SAMD4A: variants seen among roughly 807,000 people sequenced by gnomAD.
The protein encoded by SAMD4A is sterile alpha motif domain containing 4A.
Under a neutral mutation model 81.3 loss-of-function variants are expected in SAMD4A, and 33 were observed. That is an observed-to-expected ratio of 0.41 (90% CI 0.31 to 0.54). The LOEUF (loss-of-function observed/expected upper bound fraction) is 0.54, where lower values mean the gene tolerates loss of function less well. Ranked by LOEUF, SAMD4A falls within the 20% of genes least tolerant of loss-of-function variation. The pLI is 0.37. For synonymous variants in SAMD4A, 389 were observed against 382.1 expected, an observed-to-expected ratio of 1.02 and a Z score of -0.21; for missense variants, 854 against 951.1, an observed-to-expected ratio of 0.90 and a Z score of 1.34.
intron 2 of SAMD4A, among the ~76,000 whole-genome samples, chr14:54,691,299 C>T (rs559077175): frequency 6.6e-6 from 1 of 152,260 alleles, no homozygotes; most frequent in Admixed American, 6.5e-5. Flanking sequence ...GAGGTCTTGT[C>T]TCCTTCTGTA....
chr14:54,776,855 AGTGTGTGTGT>A (rs34095224), intron 11 of SAMD4A, among the ~76,000 whole-genome samples: 19 of 149,968 alleles, frequency 1.3e-4, no homozygotes, highest in South Asian at 8.5e-4. Flanking sequence ...CTCCATGTGT[AGTGTGTGTGT>A]GTGTGTGTGT....
chr14:54,606,183 C>CTGTGTGTGTGTGTGTGTG (rs57209362), intron 2 of SAMD4A, among the ~76,000 whole-genome samples: 45 of 146,672 alleles, frequency 3.1e-4, no homozygotes, highest in African/African-American at 1.2e-3. Context: ...TACTTCTGGG[C>CTGTGTGTGTGTGTGTGTG]TGTGTGTGTG....
chr14:54,746,352 AAGG>A (rs929855949), intron 4 of SAMD4A, among the ~76,000 whole-genome samples: 1 of 152,226 alleles, frequency 6.6e-6, no homozygotes, highest in Non-Finnish European at 1.5e-5. Context: ...ACAGGGCCAA[AAGG>A]AGCTTACATT....
chr14:54,710,162 T>C (rs112732152), intron 3 of SAMD4A, among the ~76,000 whole-genome samples: 11 of 152,326 alleles, frequency 7.2e-5, no homozygotes, highest in African/African-American at 2.4e-4. Context: ...GCCAAAATGC[T>C]CCATTTAATC....
At chr14:54,623,751 T>C (rs1195760128) in intron 2 of SAMD4A, among the ~76,000 whole-genome samples, 2 of 152,186 alleles carry the variant, frequency 1.3e-5, no homozygotes, top group Non-Finnish European at 2.9e-5. Flanking sequence ...CAGTTATTAC[T>C]GCAAAACCTC....
intron 3 of SAMD4A, among the ~76,000 whole-genome samples, chr14:54,712,287 C>T (rs2037009344): frequency 6.6e-6 from 1 of 151,560 alleles, no homozygotes; most frequent in African/African-American, 2.4e-5. Context: ...TGGAAAATTT[C>T]TTCCTCCCAA....
At position 54,720,250 on chromosome 14, in the gene SAMD4A, T is replaced by C. The variant is rs575804948; in HGVS notation, c.716-16774T>C. Reference sequence around the variant, plus strand: ...TTCATAGCTGCCAAATCTTTTCTAATGTCTCTGAAGATATCACATTTGATT... The same window carrying C: ...TTCATAGCTGCCAAATCTTTTCTAACGTCTCTGAAGATATCACATTTGATT... On this transcript the variant is annotated intron_variant, in intron 3 of 12. Coordinates refer to ENST00000554335, the MANE Select transcript of SAMD4A (RefSeq NM_015589.6). Among the ~76,000 whole-genome samples the C allele has an allele frequency of 2.6e-5, 4 of 152,334 alleles. No homozygotes were observed. In the South Asian group the frequency reaches 8.3e-4, roughly 32 times the overall value.
At position 54,648,921 on chromosome 14, in the gene SAMD4A, A is replaced by G. The variant is rs926183342; in HGVS notation, c.197-53141A>G. ...TGGGAGAGGCGGTGGCTCAGACAGG[A>G]TAGCAGTGGCAGCTGTGGAGACAAG... On this transcript the variant is annotated intron_variant, in intron 2 of 12. Transcript: ENST00000554335. 9.2e-5 allele frequency among the ~76,000 whole-genome samples: 14 copies of G among 152,286 alleles called. 1 individual carries two copies. In the South Asian group the frequency reaches 1.5e-3, roughly 16 times the overall value.
intron 2 of SAMD4A, among the ~76,000 whole-genome samples, chr14:54,637,032 G>A (rs749627526): frequency 6.6e-6 from 1 of 152,022 alleles, no homozygotes; most frequent in Non-Finnish European, 1.5e-5. Flanking sequence ...TAAATAAAGA[G>A]GAGACCACAG....
chr14:54,792,481 G>A lies in SAMD4A; in HGVS notation c.*3537G>A, dbSNP rs2039276045. 6.6e-6 allele frequency: 1 copy of A among 152,254 alleles called. No individual in the cohort carries two copies. The allele number at this position is 152,254 out of a possible 1,614,324, so 9.4% of individuals were successfully genotyped here. ...GTAGATGTTATTCCCCAGGAGCCTGGGCTTGGGGGCTGAGCTGGGCTGAAT... is the reference window on the plus strand; with the variant it reads ...GTAGATGTTATTCCCCAGGAGCCTGAGCTTGGGGGCTGAGCTGGGCTGAAT... On this transcript the variant is annotated 3_prime_UTR_variant, in exon 13 of 13. Transcript: ENST00000554335.
In SAMD4A at chr14:54,567,808, A is replaced by C; in HGVS notation, c.-109A>C. The C allele has an allele frequency of 8.3e-7, 1 of 1,207,824 alleles. No homozygotes were observed. Among genetic ancestry groups the C allele is most frequent in the Non-Finnish European group, 1.1e-6 (1 of 871,190 alleles). 74.8% of individuals were successfully genotyped at this position (1,207,824 alleles called of 1,614,324 possible). A position where few individuals can be genotyped will look rare whatever the true frequency, so the allele number is the denominator to read the frequency against. On this transcript the variant is annotated 5_prime_UTR_variant, in exon 2 of 13. Coordinates refer to ENST00000554335, the MANE Select transcript of SAMD4A (RefSeq NM_015589.6). ...GTCCGGGCACCAGAGCCACCTTGGA[A>C]CAGGAACGCGTCTCCGGCCGCGGGG...
intron 3 of SAMD4A, among the ~76,000 whole-genome samples, chr14:54,727,196 T>TTTTTTTTTTTTTTTTTG: frequency 1.1e-5 from 1 of 90,308 alleles, no homozygotes; most frequent in African/African-American, 4.8e-5. Flanking sequence ...TTTTTTTTTT[T>TTTTTTTTTTTTTTTTTG]TTTTTTTTTT....
chr14:54,732,269 C>T (rs962801174), intron 3 of SAMD4A, among the ~76,000 whole-genome samples: 2 of 152,108 alleles, frequency 1.3e-5, no homozygotes, highest in African/African-American at 4.8e-5. Flanking sequence ...GTTTAATTTA[C>T]ATTATATTAA....
At chr14:54,695,332 C>T (rs1369787778) in intron 2 of SAMD4A, among the ~76,000 whole-genome samples, 1 of 152,214 alleles carries the variant, frequency 6.6e-6, no homozygotes, top group Non-Finnish European at 1.5e-5. Flanking sequence ...CCTGGAGGAG[C>T]CACTTCCAAG....
At chr14:54,626,983 CTT>C (rs1247875298) in intron 2 of SAMD4A, among the ~76,000 whole-genome samples, 1 of 152,186 alleles carries the variant, frequency 6.6e-6, no homozygotes, top group Non-Finnish European at 1.5e-5. Flanking sequence ...CTGACTCTTG[CTT>C]CAGGGTTTTT....
At chr14:54,589,966 C>T (rs1392651429) in intron 2 of SAMD4A, among the ~76,000 whole-genome samples, 1 of 152,180 alleles carries the variant, frequency 6.6e-6, no homozygotes, top group Non-Finnish European at 1.5e-5. Context: ...TGGCATATTA[C>T]ATTACATATC....
chr14:54,728,775 A>C (rs560782308), intron 3 of SAMD4A, among the ~76,000 whole-genome samples: 38 of 152,196 alleles, frequency 2.5e-4, no homozygotes, highest in Non-Finnish European at 3.7e-4. Context: ...AAAAGAAAAA[A>C]ATACTGTTTG....
intron 2 of SAMD4A, among the ~76,000 whole-genome samples, chr14:54,655,464 G>T (rs529356476): frequency 2.0e-5 from 3 of 152,284 alleles, no homozygotes; most frequent in Admixed American, 6.5e-5. Context: ...GGGCGCAGTG[G>T]CTCACGCCTG....
chr14:54,631,902 T>A (rs1245361328), intron 2 of SAMD4A, among the ~76,000 whole-genome samples: 2 of 152,216 alleles, frequency 1.3e-5, no homozygotes, highest in Non-Finnish European at 2.9e-5. Flanking sequence ...GTAAAGAAAG[T>A]TCCTACAGTT....
Sources: allele counts gnomAD v4.1 joint callset (sites outside exome capture counted in the v4.1 genomes callset), GRCh38; gene constraint gnomAD v4.1.1; transcripts MANE v1.5; gene names NCBI Gene and HGNC (gene_info 2026-07-23, HGNC 2026-07-21).